The following LMNB1 variants were observed in gnomAD, a reference collection of about 807,000 sequenced individuals.
LMNB1 encodes the protein lamin B1, also known as lamin-B1.
A neutral mutation model predicts 67.1 loss-of-function variants in LMNB1; 23 were observed. That is an observed-to-expected ratio of 0.34 (90% CI 0.25 to 0.49). The LOEUF (loss-of-function observed/expected upper bound fraction) is 0.49, where lower values mean the gene tolerates loss of function less well. LMNB1 is among the 20% of genes least tolerant of loss of function. LMNB1 has a pLI of 0.99. For missense variants in LMNB1, 634 were observed against 746.5 expected, an observed-to-expected ratio of 0.85 and a Z score of 1.76; for synonymous variants, 281 against 282.9, an observed-to-expected ratio of 0.99 and a Z score of 0.07.
rs1029242875 is a variant in LMNB1 at position 126,777,800 on chromosome 5, C to T, written c.292C>T (p.Arg98Cys). ...DARRALDDTA[R>C]ERAKLQIELG... Reference sequence around the variant, plus strand: ...GCGACGCGCGCTCGACGACACGGCCCGCGAGCGCGCCAAGCTGCAGATCGA... The same window carrying T: ...GCGACGCGCGCTCGACGACACGGCCTGCGAGCGCGCCAAGCTGCAGATCGA... Residue 98 changes from arginine to cysteine, a missense_variant, in exon 1 of 11, where the codon CGC becomes TGC. Physicochemically the swap from Arg to Cys is radical, Grantham distance 180. Coordinates refer to ENST00000261366, the MANE Select transcript of LMNB1 (RefSeq NM_005573.4). 6.7e-7 allele frequency: 1 copy of T among 1,492,712 alleles called. No homozygotes were observed. Among genetic ancestry groups the T allele is most frequent in the South Asian group, 1.3e-5 (1 of 77,690 alleles). The allele number at this position is 1,492,712 out of a possible 1,614,324, so 92.5% of individuals were successfully genotyped here.
chr5:126,817,828 A>G (rs952375530), intron 5 of LMNB1, among the ~76,000 whole-genome samples: 1 of 152,102 alleles, frequency 6.6e-6, no homozygotes, highest in African/African-American at 2.4e-5. Flanking sequence ...GCTCTGTTGC[A>G]GGTACTTGTG....
chr5:126,830,673 T>C (rs1752110462), intron 9 of LMNB1, among the ~76,000 whole-genome samples: 1 of 152,186 alleles, frequency 6.6e-6, no homozygotes, highest in South Asian at 2.1e-4. Flanking sequence ...TTAAGCTACA[T>C]CATGAGCCTT....
At chr5:126,810,117 C>A in intron 3 of LMNB1, 63 bp from the exon 4 acceptor site, 1 of 1,456,442 alleles carries the variant, frequency 6.9e-7, no homozygotes, top group Non-Finnish European at 9.4e-7. Flanking sequence ...TGATGTCACT[C>A]AGATGTGTAC....
intron 1 of LMNB1, among the ~76,000 whole-genome samples, chr5:126,792,643 C>T (rs1344216326): frequency 1.5e-5 from 2 of 137,476 alleles, no homozygotes; most frequent in Non-Finnish European, 3.0e-5. Context: ...GTGGCGCGAT[C>T]GCGGCTCACC....
At chr5:126,795,949 T>TTTTTTTTTTTTGG (rs1751079121) in intron 1 of LMNB1, among the ~76,000 whole-genome samples, 1 of 145,204 alleles carries the variant, frequency 6.9e-6, no homozygotes, top group Non-Finnish European at 1.5e-5. Context: ...TTTTTTTTTT[T>TTTTTTTTTTTTGG]GAGACGGAGT....
At chr5:126,792,472 C>T (rs1265805538) in intron 1 of LMNB1, among the ~76,000 whole-genome samples, 3 of 151,128 alleles carry the variant, frequency 2.0e-5, no homozygotes, top group South Asian at 2.1e-4. Context: ...CAGAAGTCTT[C>T]ATTGTCCTTC....
intron 1 of LMNB1, among the ~76,000 whole-genome samples, chr5:126,783,249 A>G (rs1335255272): frequency 6.6e-6 from 1 of 151,852 alleles, no homozygotes; most frequent in East Asian, 1.9e-4. Context: ...AACCTTCATC[A>G]TCCTGTGTAT....
chr5:126,806,639 T>A (rs191887870), intron 3 of LMNB1, among the ~76,000 whole-genome samples: 5 of 152,130 alleles, frequency 3.3e-5, no homozygotes, highest in Admixed American at 2.6e-4. Context: ...AACGAGAACA[T>A]GAATACATGC....
rs1580562300 is a variant in LMNB1, at chr5:126,835,196, T to G, written c.1720-1027T>G. On this transcript the variant is annotated intron_variant, in intron 10 of 10. Transcript: ENST00000261366. ...AAAAAAATAAAGATGTATGAGGTTT[T>G]TAGCTTTTGTGATCACAGAAACTAA... Among the ~76,000 whole-genome samples, 3 of 152,318 alleles carry G rather than the reference T, an allele frequency of 2.0e-5. No homozygotes were observed. In the East Asian group the frequency reaches 5.8e-4, roughly 29 times the overall value.
At chr5:126,818,023 A>G (rs1177002396) in intron 5 of LMNB1, among the ~76,000 whole-genome samples, 2 of 152,158 alleles carry the variant, frequency 1.3e-5, no homozygotes, top group Non-Finnish European at 2.9e-5. Flanking sequence ...TACAGCTTCT[A>G]TATTCACAGT....
intron 1 of LMNB1, among the ~76,000 whole-genome samples, chr5:126,798,199 T>C (rs1165814825): frequency 6.6e-5 from 10 of 150,864 alleles, no homozygotes; most frequent in Admixed American, 2.7e-4. Flanking sequence ...GAGCCTGTAA[T>C]CCCAGCACTT....
intron 1 of LMNB1, among the ~76,000 whole-genome samples, chr5:126,792,232 T>C (rs6873780): frequency 0.21 from 30,819 of 148,146 alleles, 3,272 homozygotes; most frequent in East Asian, 0.31. Context: ...AACCTCCGCC[T>C]CCTGTGTTTA....
At chr5:126,811,933 G>A in intron 5 of LMNB1, 35 bp downstream of exon 5, 1 of 1,591,278 alleles carries the variant, frequency 6.3e-7, no homozygotes, top group Non-Finnish European at 8.6e-7. Flanking sequence ...AGTTAGACTT[G>A]AAGGCTACCT....
chr5:126,813,436 C>T (rs1391050056), intron 5 of LMNB1, among the ~76,000 whole-genome samples: 5 of 152,172 alleles, frequency 3.3e-5, no homozygotes, highest in African/African-American at 1.2e-4. Flanking sequence ...CCTTTTATAA[C>T]TCATTTTCTT....
At chr5:126,797,636 T>C (rs1415744105) in intron 1 of LMNB1, among the ~76,000 whole-genome samples, 2 of 152,266 alleles carry the variant, frequency 1.3e-5, no homozygotes, top group Non-Finnish European at 2.9e-5. Flanking sequence ...ACTTTGACTA[T>C]GTGCTGATAA....
chr5:126,831,919 T>A (rs1416861606), intron 9 of LMNB1, among the ~76,000 whole-genome samples: 1 of 152,180 alleles, frequency 6.6e-6, no homozygotes. Context: ...AATTTCAGTT[T>A]AGTAACCAGA....
chr5:126,822,926 TTAAC>T, intron 8 of LMNB1, 41 bp downstream of exon 8: 1 of 1,304,728 alleles, frequency 7.7e-7, no homozygotes, highest in Non-Finnish European at 1.1e-6. Flanking sequence ...CTTCATTGTG[TTAAC>T]TAACAAAGTA....
In LMNB1 at chr5:126,804,899, A is replaced by T. The variant is rs1029905575; in HGVS notation, c.483A>T (p.Gly161=). 1 of 1,613,944 alleles carries T rather than the reference A, an allele frequency of 6.2e-7. No homozygotes were observed. Among genetic ancestry groups the T allele is most frequent in the African/African-American group, 1.3e-5 (1 of 74,906 alleles). ...TALGDKKSLE[G]DLEDLKDQIA... is the part of the protein sequence containing the mutation. The stretch of plus-strand genomic sequence containing the variant: ...TTGGTGACAAAAAAAGTTTAGAGGG[A>T]GATTTGGAGGATCTGAAGGATCAGA... Residue 161 remains glycine, a synonymous_variant, in exon 2 of 11, where the codon GGA becomes GGT. Transcript: ENST00000261366.
chr5:126,824,354 G>C (rs1011816196), intron 8 of LMNB1, among the ~76,000 whole-genome samples: 1 of 151,910 alleles, frequency 6.6e-6, no homozygotes, highest in African/African-American at 2.4e-5. Context: ...GCTTTAACAT[G>C]TAATCAGTCT....
Sources: gnomAD v4.1 joint callset for allele counts (sites outside exome capture counted in the v4.1 genomes callset) on GRCh38, gnomAD v4.1.1 for gene constraint, MANE v1.5 for transcripts, NCBI Gene and HGNC (gene_info 2026-07-23, HGNC 2026-07-21) for gene names.